The following PLEKHH1 variants were observed in gnomAD, a reference collection of about 807,000 sequenced individuals.
PLEKHH1 encodes pleckstrin homology, MyTH4 and FERM domain containing H1.
Under a neutral mutation model 160.0 loss-of-function variants are expected in PLEKHH1, and 104 were observed. The ratio of observed to expected loss-of-function variants is 0.65; its 90% CI spans 0.55 to 0.76. The LOEUF is 0.76. Ranked by LOEUF, PLEKHH1 falls within the 30% of genes least tolerant of loss-of-function variation. The pLI is 0.00. For missense variants in PLEKHH1, 1,427 were observed against 1,724.1 expected (o/e 0.83, Z 3.05); for synonymous variants, 619 against 678.4 (o/e 0.91, Z 1.36).
Position 67,575,393 on chromosome 14 carries a change from TA to T in PLEKHH1, c.2093del (p.Lys698SerfsTer39). Reference protein sequence around the residue: ...KPTVKGWLTKVKHGHSKVVWC... With the variant: ...KPTVKGWLTKXKHGHSKVVWC... ...TGCCAGTTCATTTCTGTCTTACAGGTAAAGCATGGCCACTCCAAGGTGGTCT... is the reference window on the plus strand; with the variant it reads ...TGCCAGTTCATTTCTGTCTTACAGGTAAGCATGGCCACTCCAAGGTGGTCT... On this transcript the variant is annotated frameshift_variant and splice_region_variant, in exon 15 of 29. Transcript: ENST00000329153. LOFTEE classifies it high-confidence loss of function. The T allele has an allele frequency of 6.3e-7, 1 of 1,597,284 alleles. No homozygotes were observed. Among genetic ancestry groups the T allele is most frequent in the Non-Finnish European group, 8.6e-7 (1 of 1,168,004 alleles).
Position 67,569,206 on chromosome 14 carries a change from T to C in PLEKHH1, c.1332T>C (p.Thr444=). 1 of 1,610,072 alleles carries C rather than the reference T, an allele frequency of 6.2e-7. No homozygotes were observed. The highest frequency in any genetic ancestry group is 1.3e-5 in the African/African-American group (1 of 74,966). ...CAGATATGTCTCCCAGAAGTAATACTGCATGCTGCGGTGAGTTCCAAGTGA... is the reference window on the plus strand; with the variant it reads ...CAGATATGTCTCCCAGAAGTAATACCGCATGCTGCGGTGAGTTCCAAGTGA... ...RLSDMSPRSN[T]ACCASSPPAL... The change falls in exon 8 of 29, where the codon ACT becomes ACC. Residue 444 remains threonine, a synonymous_variant. Coordinates refer to ENST00000329153, the MANE Select transcript of PLEKHH1 (RefSeq NM_020715.3).
At chr14:67,541,759 C>A in intron 1 of PLEKHH1, 75 bp from the exon 2 acceptor site, 2 of 1,033,296 alleles carry the variant, frequency 1.9e-6, no homozygotes, top group Non-Finnish European at 1.4e-6. Context: ...CTTTGGTCCC[C>A]TCCCGTTCTT....
rs775270979 is a variant in PLEKHH1, at chr14:67,574,274, G to A, written c.1959G>A (p.Thr653=). ...CTGAGAAGAAAACCTACTACCTGAC[G>A]GCCGATTCACCCAGCCTGCTGGAGG... The part of the protein sequence containing the change: ...LISEKKTYYL[T]ADSPSLLEEW... The change falls in exon 14 of 29, where the codon ACG becomes ACA. Residue 653 remains threonine, a synonymous_variant. Coordinates refer to ENST00000329153, the MANE Select transcript of PLEKHH1 (RefSeq NM_020715.3). This position sits in a 1 kb window ranked among gnomAD's most constrained non-coding sequence, Gnocchi z 4.2. The A allele has an allele frequency of 1.2e-5, 19 of 1,608,488 alleles. No individual in the cohort carries two copies. The highest frequency in any genetic ancestry group is 1.2e-4 in the Admixed American group (7 of 59,296).
chr14:67,561,832 T>G, intron 5 of PLEKHH1, 122 bp from the exon 6 acceptor site: 1 of 715,514 alleles, frequency 1.4e-6, no homozygotes, highest in East Asian at 2.8e-5. Flanking sequence ...ATTGCTCCAC[T>G]GCAATTCAGT....
intron 1 of PLEKHH1, among the ~76,000 whole-genome samples, chr14:67,536,149 C>T (rs1261591677): frequency 6.7e-6 from 1 of 148,872 alleles, no homozygotes; most frequent in Non-Finnish European, 1.5e-5. Flanking sequence ...TATTGAGGTT[C>T]CTGCGGCCTA....
At position 67,578,680 on chromosome 14, in the gene PLEKHH1, C is replaced by A; in HGVS notation, c.2849+49C>A. ...CTGCCACTTGAGCACTGCCAACTGC[C>A]GCATGAATAAGAGGGATGAGAGGAG... On this transcript the variant is annotated intron_variant, in intron 20 of 28. Coordinates refer to ENST00000329153, the MANE Select transcript of PLEKHH1 (RefSeq NM_020715.3). The surrounding 1 kb of genome is among the most constrained non-coding windows in gnomAD (Gnocchi z 5.0). 2 of 1,177,378 alleles carry A rather than the reference C, an allele frequency of 1.7e-6. No individual in the cohort carries two copies. The highest frequency in any genetic ancestry group is 1.3e-5 in the South Asian group (1 of 76,708). The allele number at this position is 1,177,378 out of a possible 1,614,324, so 72.9% of individuals were successfully genotyped here.
chr14:67,558,187 T>C (rs1007715208), intron 4 of PLEKHH1, among the ~76,000 whole-genome samples: 49 of 152,204 alleles, frequency 3.2e-4, no homozygotes, highest in African/African-American at 1.1e-3. Flanking sequence ...GTCCCTTTCC[T>C]CTGCCACTGG....
intron 7 of PLEKHH1, among the ~76,000 whole-genome samples, chr14:67,568,318 A>G (rs769132768): frequency 4.6e-5 from 7 of 151,924 alleles, no homozygotes; most frequent in Non-Finnish European, 7.4e-5. Flanking sequence ...GCTGGAAGCC[A>G]TTATCTTCAG....
rs71129833 is a variant in PLEKHH1 at position 67,535,370 on chromosome 14, CTTTTTTTTTTT to C, written c.-35+1990_-35+2000del. Among the ~76,000 whole-genome samples the C allele has an allele frequency of 2.4e-4, 18 of 74,230 alleles. No homozygotes were observed. In the East Asian group the frequency reaches 5.3e-3, roughly 22 times the overall value. The allele number at this position is 74,230 out of a possible 152,430, so 48.7% of individuals were successfully genotyped here. On this transcript the variant is annotated intron_variant, in intron 1 of 28. Coordinates refer to ENST00000329153, the MANE Select transcript of PLEKHH1 (RefSeq NM_020715.3). ...GAGTTAGATCTGGTAGTGAGCACAT[CTTTTTTTTTTT>C]TTTTTTTTTTTTTTTTTGAGCCAGA...
At position 67,562,796 on chromosome 14, in the gene PLEKHH1, G is replaced by C. The variant is rs963120059; in HGVS notation, c.1165G>C (p.Glu389Gln). The C allele has an allele frequency of 6.2e-7, 1 of 1,613,808 alleles. No individual in the cohort carries two copies. The change falls in exon 7 of 29, where the codon GAG (glutamate) becomes CAG (glutamine). Residue 389 changes from glutamate to glutamine, a missense_variant. This residue lies in a region of PLEKHH1 where 831 missense variants were observed against 929.2 expected (regional missense o/e 0.89). Coordinates refer to ENST00000329153, the MANE Select transcript of PLEKHH1 (RefSeq NM_020715.3). ...MEEPPPAGKN[E>Q]ERESPKALGA... is the part of the protein sequence containing the mutation. ...GGAGCCACCCCCAGCAGGGAAGAAT[G>C]AGGAAAGAGAGAGCCCAAAGGCCCT...
Position 67,562,403 on chromosome 14 carries a change from C to T in PLEKHH1, c.772C>T (p.His258Tyr), listed in dbSNP as rs2034882007. ...AGTAGAGGCCAAGCCCCTTCAACCT[C>T]ATCTGGGAAGAGAGAGCCCTCCCCA... ...ETVEAKPLQP[H>Y]LGRESPPHQP... Residue 258 changes from histidine (H) to tyrosine (Y), a missense_variant, in exon 7 of 29, where the codon CAT (histidine) becomes TAT (tyrosine). His to Tyr is a moderately conservative substitution (Grantham distance 83). This residue lies in a region of PLEKHH1 where 831 missense variants were observed against 929.2 expected (regional missense o/e 0.89). Transcript: ENST00000329153. 2 of 1,613,734 alleles carry T rather than the reference C, an allele frequency of 1.2e-6. No individual in the cohort carries two copies. Among genetic ancestry groups the T allele is most frequent in the South Asian group, 1.1e-5 (1 of 91,084 alleles).
In PLEKHH1 at chr14:67,574,995, G is replaced by A. The variant is rs183211800; in HGVS notation, c.2089-397G>A. ...CAATCTGTTTATGTCATTCTCCTTC[G>A]CCCGTGTGCAGCTTCTGTTCCTTCA... On this transcript the variant is annotated intron_variant, in intron 14 of 28. Coordinates refer to ENST00000329153, the MANE Select transcript of PLEKHH1 (RefSeq NM_020715.3). This position sits in a 1 kb window ranked among gnomAD's most constrained non-coding sequence, Gnocchi z 4.2. 6.3e-3 allele frequency among the ~76,000 whole-genome samples: 960 copies of A among 152,236 alleles called. 16 individuals carry two copies. The highest frequency in any genetic ancestry group is 5.7e-3 in the Non-Finnish European group (386 of 68,014).
chr14:67,553,385 A>C (rs1351616537), intron 2 of PLEKHH1, among the ~76,000 whole-genome samples: 1 of 152,126 alleles, frequency 6.6e-6, no homozygotes, highest in Admixed American at 6.5e-5. Context: ...GTAAAAAAAA[A>C]ACCCCAAAAC....
Position 67,572,277 on chromosome 14 carries a change from G to A in PLEKHH1, c.1728G>A (p.Gly576=). ...CCACCGACGGGCTGGGCCTGGGCGG[G>A]GTGAGCCGGGAAACGGGCGGGGGCA... ...SYSTDGLGLG[G]ESLEKSGYLL... is the part of the protein sequence containing the mutation. The change falls in exon 11 of 29, where the codon GGG becomes GGA. Residue 576 remains glycine (G), a splice_region_variant and synonymous_variant. Transcript: ENST00000329153. 6.3e-7 allele frequency: 1 copy of A among 1,594,204 alleles called. No individual in the cohort carries two copies. The highest frequency in any genetic ancestry group is 8.5e-7 in the Non-Finnish European group (1 of 1,173,102).
rs139002123 is a variant in PLEKHH1 at position 67,568,582 on chromosome 14, G to A, written c.1264-556G>A. 2.6e-4 allele frequency among the ~76,000 whole-genome samples: 39 copies of A among 151,932 alleles called. No individual in the cohort carries two copies. In the East Asian group the frequency reaches 3.5e-3, roughly 14 times the overall value. On this transcript the variant is annotated intron_variant, in intron 7 of 28. Coordinates refer to ENST00000329153, the MANE Select transcript of PLEKHH1 (RefSeq NM_020715.3). ...ATAAAAACCTGCACATCTTGCATAC[G>A]TACCCTGGAACTTAAAAAACAAACA...
rs1482401297 is a variant in PLEKHH1 at position 67,533,322 on chromosome 14, C to G, written c.-111C>G. 1.3e-5 allele frequency: 2 copies of G among 151,632 alleles called. No homozygotes were observed. The highest frequency in any genetic ancestry group is 2.4e-5 in the African/African-American group (1 of 41,408). 9.4% of individuals were successfully genotyped at this position (151,632 alleles called of 1,614,324 possible). ...GCCCGGGACTCCGGCGAGAGCGACGCAAGGTCGGCTGCGGCGGCGGCCCGA... is the reference window on the plus strand; with the variant it reads ...GCCCGGGACTCCGGCGAGAGCGACGGAAGGTCGGCTGCGGCGGCGGCCCGA... On this transcript the variant is annotated 5_prime_UTR_variant, in exon 1 of 29. Coordinates refer to ENST00000329153, the MANE Select transcript of PLEKHH1 (RefSeq NM_020715.3).
In PLEKHH1 at chr14:67,589,590, A is replaced by T; in HGVS notation, c.*2355A>T. ...AACAGTAAATAAATAAGCCCTGTAC[A>T]GAACACAGGCACTAGGTTGACAGAC... On this transcript the variant is annotated 3_prime_UTR_variant, in exon 29 of 29. Transcript: ENST00000329153. 1 of 985,884 alleles carries T rather than the reference A, an allele frequency of 1.0e-6. No individual in the cohort carries two copies. Among genetic ancestry groups the T allele is most frequent in the Non-Finnish European group, 1.2e-6 (1 of 830,138 alleles). 61.1% of individuals were successfully genotyped at this position (985,884 alleles called of 1,614,324 possible). A position where few individuals can be genotyped will look rare whatever the true frequency, so the allele number is the denominator to read the frequency against.
intron 2 of PLEKHH1, among the ~76,000 whole-genome samples, chr14:67,548,976 C>T (rs17782224): frequency 0.19 from 29,296 of 152,244 alleles, 3,765 homozygotes; most frequent in Non-Finnish European, 0.29. Context: ...GCTCCTTCCA[C>T]CTCATATGGA....
At chr14:67,575,580 A>G (rs2035589749) in intron 15 of PLEKHH1, 108 bp downstream of exon 15, 3 of 790,032 alleles carry the variant, frequency 3.8e-6, no homozygotes, top group Non-Finnish European at 6.6e-6. Context: ...CCCACAATAA[A>G]TACAAAATCA....
Sources: allele counts gnomAD v4.1 joint callset (sites outside exome capture counted in the v4.1 genomes callset), GRCh38; gene constraint gnomAD v4.1.1; regional missense constraint gnomAD v4.1.1; non-coding constraint Gnocchi (gnomAD v3.1); transcripts MANE v1.5; gene names NCBI Gene and HGNC (gene_info 2026-07-23, HGNC 2026-07-21).